Variants in MEGF11 observed in about 807,000 individuals in gnomAD.
MEGF11 encodes the protein multiple EGF like domains 11.
MEGF11 carries 126 observed loss-of-function variants against 146.6 expected under a neutral mutation model. The ratio of observed to expected loss-of-function variants is 0.86; its 90% CI spans 0.74 to 1.00. The LOEUF is 1.00. Ranked by LOEUF, MEGF11 falls within the 50% of genes least tolerant of loss-of-function variation. The pLI is 0.00. For synonymous variants in MEGF11, 532 were observed against 583.4 expected, an observed-to-expected ratio of 0.91 and a Z score of 1.27; for missense variants, 1,509 against 1,521.2, an observed-to-expected ratio of 0.99 and a Z score of 0.13.
At chr15:66,005,690 T>C (rs1368970127) in intron 5 of MEGF11, among the ~76,000 whole-genome samples, 2 of 152,160 alleles carry the variant, frequency 1.3e-5, no homozygotes, top group South Asian at 2.1e-4. Context: ...GGCAGTGACA[T>C]ATCTTAGGTG....
chr15:65,952,526 A>G lies in MEGF11; in HGVS notation c.1287+5021T>C, dbSNP rs28726269. On this transcript the variant is annotated intron_variant, in intron 10 of 25. Transcript: ENST00000395614. ...GCTGGCCTGACCACTGTGTCATATG[A>G]CCCCTCACTCTGCCTTCTCCCATCC... Among the ~76,000 whole-genome samples the G allele has an allele frequency of 9.2e-3, 1,406 of 152,020 alleles. 22 individuals are homozygous for G. Among genetic ancestry groups the G allele is most frequent in the African/African-American group, 0.03 (1,260 of 41,440 alleles).
intron 5 of MEGF11, among the ~76,000 whole-genome samples, chr15:66,031,246 G>GC (rs1453901718): frequency 6.6e-6 from 1 of 152,168 alleles, no homozygotes; most frequent in East Asian, 1.9e-4. Flanking sequence ...CATCTGATAT[G>GC]CCCCAGTGCG....
Position 66,128,405 on chromosome 15 carries a change from C to T in MEGF11, c.-2G>A, listed in dbSNP as rs1199474989. The stretch of plus-strand genomic sequence containing the variant: ...GAGCCCCGTCAGGGAGAGCACCATC[C>T]CGGGCCCTGCACAGGAGAACAAAGG... On this transcript the variant is annotated 5_prime_UTR_variant, in exon 2 of 26. Transcript: ENST00000395614. The T allele has an allele frequency of 1.3e-6, 2 of 1,489,266 alleles. No homozygotes were observed. The highest frequency in any genetic ancestry group is 2.7e-5 in the South Asian group (2 of 73,666). 92.3% of individuals were successfully genotyped at this position (1,489,266 alleles called of 1,614,324 possible).
chr15:65,959,231 G>A (rs1210577239), intron 9 of MEGF11, among the ~76,000 whole-genome samples: 2 of 152,192 alleles, frequency 1.3e-5, no homozygotes, highest in Non-Finnish European at 2.9e-5. Context: ...CAGAGTCCCT[G>A]GCACACTGGA....
intron 1 of MEGF11, among the ~76,000 whole-genome samples, chr15:66,133,010 C>A (rs972712203): frequency 6.6e-6 from 1 of 152,210 alleles, no homozygotes; most frequent in African/African-American, 2.4e-5. Flanking sequence ...TCCACCCCAA[C>A]CTCTCAACCA....
rs745835072 is a variant in MEGF11 at position 65,896,770 on chromosome 15, T to C, written c.*1164A>G. 6.6e-6 allele frequency: 1 copy of C among 152,196 alleles called. No individual in the cohort carries two copies. Among genetic ancestry groups the C allele is most frequent in the East Asian group, 1.9e-4 (1 of 5,204 alleles). 9.4% of individuals were successfully genotyped at this position (152,196 alleles called of 1,614,324 possible). On this transcript the variant is annotated 3_prime_UTR_variant, in exon 26 of 26. Transcript: ENST00000395614. ...AGCTCAGTAAGTAGTAGTTTTAAGATAGAAGGTGGAAGGACTTCATATCCT... is the reference window on the plus strand; with the variant it reads ...AGCTCAGTAAGTAGTAGTTTTAAGACAGAAGGTGGAAGGACTTCATATCCT...
chr15:66,123,609 G>A (rs1041560312), intron 3 of MEGF11, among the ~76,000 whole-genome samples: 1 of 152,154 alleles, frequency 6.6e-6, no homozygotes, highest in Non-Finnish European at 1.5e-5. Flanking sequence ...GCTAAGAGAT[G>A]TTCCTGCCAT....
intron 5 of MEGF11, among the ~76,000 whole-genome samples, chr15:66,054,986 A>G (rs2084618833): frequency 6.6e-6 from 1 of 152,250 alleles, no homozygotes; most frequent in African/African-American, 2.4e-5. Flanking sequence ...GCAGTAAATT[A>G]GATGCTATTA....
Position 65,982,246 on chromosome 15 carries a change from C to A in MEGF11, c.637G>T (p.Val213Phe). The part of the protein sequence containing the change: ...ECLCAPGYTG[V>F]YCEELCPPGS... The stretch of plus-strand genomic sequence containing the variant: ...AGGTCCTGCCGCATGACTCACTAGA[C>A]GCCGGTGTAGCCAGGTGCGCAGAGG... Residue 213 changes from valine to phenylalanine, a missense_variant, in exon 6 of 26, where the codon GTC (valine) becomes TTC (phenylalanine). Coordinates refer to ENST00000395614, the MANE Select transcript of MEGF11 (RefSeq NM_001385028.1). This position sits in a 1 kb window ranked among gnomAD's most constrained non-coding sequence, Gnocchi z 5.6. 1 of 1,530,380 alleles carries A rather than the reference C, an allele frequency of 6.5e-7. No individual in the cohort carries two copies. Among genetic ancestry groups the A allele is most frequent in the Non-Finnish European group, 8.8e-7 (1 of 1,138,934 alleles). 94.8% of individuals were successfully genotyped at this position (1,530,380 alleles called of 1,614,324 possible).
chr15:66,083,386 T>C (rs1331320807), intron 5 of MEGF11, among the ~76,000 whole-genome samples: 1 of 152,026 alleles, frequency 6.6e-6, no homozygotes, highest in Non-Finnish European at 1.5e-5. Context: ...GCTTCGAGAG[T>C]CTCTAGCAAA....
intron 1 of MEGF11, among the ~76,000 whole-genome samples, chr15:66,209,329 G>A (rs11631212): frequency 0.013 from 1,995 of 151,572 alleles, 26 homozygotes; most frequent in Non-Finnish European, 0.018. Flanking sequence ...CAGCCTGGGC[G>A]ACGGAGCAAG....
chr15:66,132,647 G>C (rs999334257), intron 1 of MEGF11, among the ~76,000 whole-genome samples: 5 of 152,200 alleles, frequency 3.3e-5, no homozygotes, highest in Admixed American at 6.5e-5. Context: ...AGGAAGGGGG[G>C]CTGAGTGGGA....
At chr15:65,951,166 G>A (rs556954730) in intron 10 of MEGF11, among the ~76,000 whole-genome samples, 34 of 152,306 alleles carry the variant, frequency 2.2e-4, no homozygotes, top group East Asian at 9.6e-4. Context: ...GGTTAATTCC[G>A]AAGAGAGGAG....
intron 1 of MEGF11, among the ~76,000 whole-genome samples, chr15:66,225,205 G>T (rs946226984): frequency 1.3e-5 from 2 of 152,254 alleles, no homozygotes; most frequent in Admixed American, 1.3e-4. Context: ...CCTCTACCAA[G>T]TGCCCATTAG....
chr15:65,978,893 T>C (rs2081541060), intron 7 of MEGF11, among the ~76,000 whole-genome samples: 1 of 152,178 alleles, frequency 6.6e-6, no homozygotes, highest in African/African-American at 2.4e-5. Flanking sequence ...CCTTACCCTC[T>C]CTGAGCCTCA....
chr15:66,078,841 C>T (rs571326474), intron 5 of MEGF11, among the ~76,000 whole-genome samples: 1 of 152,320 alleles, frequency 6.6e-6, no homozygotes, highest in Non-Finnish European at 1.5e-5. Flanking sequence ...TCGAGACTCC[C>T]TGTGTGTCAT....
chr15:65,946,650 C>T (rs189855415), intron 10 of MEGF11, among the ~76,000 whole-genome samples: 14 of 152,338 alleles, frequency 9.2e-5, no homozygotes, highest in Admixed American at 3.9e-4. Context: ...ACTTCGGCCT[C>T]CCAAAGTGCT....
chr15:66,041,736 G>C (rs2083987627), intron 5 of MEGF11, among the ~76,000 whole-genome samples: 1 of 152,162 alleles, frequency 6.6e-6, no homozygotes, highest in African/African-American at 2.4e-5. Context: ...TACAGAAAAA[G>C]TTTGCCAATC....
At chr15:66,033,303 AG>A (rs1489875943) in intron 5 of MEGF11, among the ~76,000 whole-genome samples, 1 of 152,114 alleles carries the variant, frequency 6.6e-6, no homozygotes, top group Non-Finnish European at 1.5e-5. Context: ...CTCCCATAAC[AG>A]GCCCCGAGCT....
Sources: gnomAD v4.1 joint callset for allele counts (sites outside exome capture counted in the v4.1 genomes callset) on GRCh38, gnomAD v4.1.1 for gene constraint, Gnocchi (gnomAD v3.1) non-coding constraint, MANE v1.5 for transcripts, NCBI Gene and HGNC (gene_info 2026-07-23, HGNC 2026-07-21) for gene names.